The following ZDHHC2 variants were observed in gnomAD, a reference collection of about 807,000 sequenced individuals.
The protein encoded by ZDHHC2 is zDHHC palmitoyltransferase 2.
A neutral mutation model predicts 55.6 loss-of-function variants in ZDHHC2; 51 were observed. The ratio of observed to expected loss-of-function variants is 0.92; its 90% CI spans 0.73 to 1.16. The LOEUF (loss-of-function observed/expected upper bound fraction) is 1.16, where lower values mean the gene tolerates loss of function less well. Among genes scored for constraint, ZDHHC2 ranks in the 50% most tolerant of loss-of-function variants. ZDHHC2 has a pLI of 0.00. For synonymous variants in ZDHHC2, 199 were observed against 152.9 expected (o/e 1.30, Z -2.22); for missense variants, 491 against 442.4 (o/e 1.11, Z -0.99).
chr8:17,199,545 CT>C (rs71212681), intron 6 of ZDHHC2, among the ~76,000 whole-genome samples: 24,110 of 54,522 alleles, frequency 0.44, 3,709 homozygotes, highest in East Asian at 0.52. Context: ...TCTTCGTCTT[CT>C]GTCTTCGTCT....
intron 3 of ZDHHC2, among the ~76,000 whole-genome samples, chr8:17,192,616 C>G (rs1321574105): frequency 6.6e-6 from 1 of 152,126 alleles, no homozygotes; most frequent in Non-Finnish European, 1.5e-5. Context: ...GTGCAAAAGC[C>G]TTTTAACTTG....
At chr8:17,193,931 C>G (rs1294552266) in intron 3 of ZDHHC2, among the ~76,000 whole-genome samples, 1 of 152,166 alleles carries the variant, frequency 6.6e-6, no homozygotes, top group Non-Finnish European at 1.5e-5. Context: ...ATCCCCACCC[C>G]ACGACAGGCC....
At chr8:17,210,869 A>G (rs1807349847) in intron 10 of ZDHHC2, among the ~76,000 whole-genome samples, 1 of 152,172 alleles carries the variant, frequency 6.6e-6, no homozygotes, top group Non-Finnish European at 1.5e-5. Flanking sequence ...CTGTTAGAGT[A>G]AAGAAACTTG....
chr8:17,181,753 A>G (rs1805443611), intron 1 of ZDHHC2, among the ~76,000 whole-genome samples: 2 of 152,118 alleles, frequency 1.3e-5, no homozygotes, highest in African/African-American at 2.4e-5. Context: ...TAGTTTTTGT[A>G]TTGTTATAAA....
intron 3 of ZDHHC2, among the ~76,000 whole-genome samples, chr8:17,188,224 T>A (rs764128242): frequency 1.0e-3 from 152 of 152,294 alleles, no homozygotes; most frequent in Non-Finnish European, 1.7e-3. Context: ...GGCCTACCTT[T>A]CCTTCCCAGA....
chr8:17,212,268 C>T (rs1807423694), intron 10 of ZDHHC2, among the ~76,000 whole-genome samples: 1 of 152,132 alleles, frequency 6.6e-6, no homozygotes, highest in African/African-American at 2.4e-5. Context: ...ATCTTGCTGT[C>T]TACTTGACAC....
At chr8:17,209,909 A>G (rs1222512597) in intron 8 of ZDHHC2, 23 bp from the exon 9 acceptor site, 2 of 1,597,140 alleles carry the variant, frequency 1.3e-6, no homozygotes, top group African/African-American at 1.3e-5. Flanking sequence ...TACTCATGTG[A>G]TTCCTTTACC....
In ZDHHC2 at chr8:17,189,105, T is replaced by A. The variant is rs548991360; in HGVS notation, c.252+2680T>A. Among the ~76,000 whole-genome samples the A allele has an allele frequency of 7.1e-3, 1,051 of 149,076 alleles. 12 individuals carry two copies. Among genetic ancestry groups the A allele is most frequent in the African/African-American group, 0.025 (1,007 of 40,700 alleles). On this transcript the variant is annotated intron_variant, in intron 3 of 12. Coordinates refer to ENST00000262096, the MANE Select transcript of ZDHHC2 (RefSeq NM_016353.5). Reference sequence around the variant, plus strand: ...TTAACAGGTTTCTTTTTGTTGGGTTTTTTTTTTTGGTGTTTTGTTATGTTT... The same window carrying A: ...TTAACAGGTTTCTTTTTGTTGGGTTATTTTTTTTGGTGTTTTGTTATGTTT...
At chr8:17,204,671 GGGA>G (rs1332305759) in intron 6 of ZDHHC2, among the ~76,000 whole-genome samples, 1 of 152,100 alleles carries the variant, frequency 6.6e-6, no homozygotes, top group East Asian at 1.9e-4. Flanking sequence ...GGAGGAGGGT[GGGA>G]GGAGGAAGAA....
rs186626035 is a variant in ZDHHC2, at chr8:17,220,642, A to G, written c.*421A>G. On this transcript the variant is annotated 3_prime_UTR_variant, in exon 13 of 13. Transcript: ENST00000262096. ...TAGGATTTCAGAGATTTCAAGTCAC[A>G]TTATAATGATAAGCATTATTCATAA... is the stretch of plus-strand genomic sequence containing the variant. 1.1e-4 allele frequency: 17 copies of G among 152,342 alleles called. No homozygotes were observed. The highest frequency in any genetic ancestry group is 3.8e-4 in the African/African-American group (16 of 41,580). 9.4% of individuals were successfully genotyped at this position (152,342 alleles called of 1,614,324 possible).
At chr8:17,199,117 C>T (rs1200242642) in intron 6 of ZDHHC2, among the ~76,000 whole-genome samples, 1 of 152,064 alleles carries the variant, frequency 6.6e-6, no homozygotes, top group South Asian at 2.1e-4. Flanking sequence ...AGGGATGGCT[C>T]TACAGAAAGG....
chr8:17,202,353 CAGAAAAG>C (rs1806833190), intron 6 of ZDHHC2, among the ~76,000 whole-genome samples: 1 of 151,946 alleles, frequency 6.6e-6, no homozygotes, highest in South Asian at 2.1e-4. Context: ...AAATGAGTCT[CAGAAAAG>C]AGAAAGAGAG....
rs1224144972 is a variant in ZDHHC2, at chr8:17,197,568, C to T, written c.374-14C>T. On this transcript the variant is annotated splice_polypyrimidine_tract_variant and intron_variant, in intron 4 of 12. Transcript: ENST00000262096. ...GTGTTAACTCTAAGACTAAGTGGAG[C>T]TTTTTGTCCCTAGCCATCCGATACT... The T allele has an allele frequency of 6.2e-7, 1 of 1,611,656 alleles. No individual in the cohort carries two copies. The highest frequency in any genetic ancestry group is 8.5e-7 in the Non-Finnish European group (1 of 1,178,584).
rs376729226 is a variant in ZDHHC2 at position 17,186,324 on chromosome 8, A to C, written c.158-7A>C. On this transcript the variant is annotated splice_polypyrimidine_tract_variant and splice_region_variant and intron_variant, in intron 2 of 12. Coordinates refer to ENST00000262096, the MANE Select transcript of ZDHHC2 (RefSeq NM_016353.5). The stretch of plus-strand genomic sequence containing the variant: ...TTATAATGATAATTATGTTTTTCTC[A>C]TTTTAGTTGTGTGCCTGATGGCCTA... 1 of 1,574,506 alleles carries C rather than the reference A, an allele frequency of 6.4e-7. No individual in the cohort carries two copies. Among genetic ancestry groups the C allele is most frequent in the African/African-American group, 1.4e-5 (1 of 73,704 alleles).
Position 17,198,235 on chromosome 8 carries a change from T to C in ZDHHC2, c.444-146T>C. ...GTTTATTTTAGATGAGAACTTCTGCTATTATCCAATTTTTAGATAAGTAAA... is the reference window on the plus strand; with the variant it reads ...GTTTATTTTAGATGAGAACTTCTGCCATTATCCAATTTTTAGATAAGTAAA... On this transcript the variant is annotated intron_variant, in intron 5 of 12. Transcript: ENST00000262096. 6.2e-6 allele frequency: 4 copies of C among 641,750 alleles called. No individual in the cohort carries two copies. The South Asian group carries it at 1.1e-4, about 18-fold the overall frequency. 39.8% of individuals were successfully genotyped at this position (641,750 alleles called of 1,614,324 possible).
Position 17,223,173 on chromosome 8 carries a change from T to G in ZDHHC2, c.*2952T>G, listed in dbSNP as rs1279655406. ...ATGCATGTAAACGGGCTCGGCTGAT[T>G]CTGAAATTGTACTGTATCATTTGGT... On this transcript the variant is annotated 3_prime_UTR_variant, in exon 13 of 13. Coordinates refer to ENST00000262096, the MANE Select transcript of ZDHHC2 (RefSeq NM_016353.5). 1 of 151,946 alleles carries G rather than the reference T, an allele frequency of 6.6e-6. No homozygotes were observed. Among genetic ancestry groups the G allele is most frequent in the Non-Finnish European group, 1.5e-5 (1 of 67,832 alleles). The allele number at this position is 151,946 out of a possible 1,614,324, so 9.4% of individuals were successfully genotyped here.
At chr8:17,210,823 G>A (rs777146668) in intron 10 of ZDHHC2, among the ~76,000 whole-genome samples, 3 of 152,040 alleles carry the variant, frequency 2.0e-5, no homozygotes, top group East Asian at 1.9e-4. Context: ...GGGTAAAATC[G>A]CCCCTGACCC....
At chr8:17,199,606 T>TTTC (rs147013065) in intron 6 of ZDHHC2, among the ~76,000 whole-genome samples, 17,294 of 50,058 alleles carry the variant, frequency 0.35, 2,288 homozygotes, top group Middle Eastern at 0.5. Context: ...TTCTTTATTC[T>TTTC]TTCTTCTTCT....
chr8:17,174,963 GC>G (rs1366233084), intron 1 of ZDHHC2, among the ~76,000 whole-genome samples: 1 of 152,052 alleles, frequency 6.6e-6, no homozygotes, highest in Admixed American at 6.5e-5. Flanking sequence ...CTGGGCTCAA[GC>G]GATCCAGCTG....
Sources: allele counts gnomAD v4.1 joint callset (sites outside exome capture counted in the v4.1 genomes callset), GRCh38; gene constraint gnomAD v4.1.1; transcripts MANE v1.5; gene names NCBI Gene and HGNC (gene_info 2026-07-23, HGNC 2026-07-21).